The following TVP23A variants were observed in gnomAD, a reference collection of about 807,000 sequenced individuals.
TVP23A encodes the protein trans-golgi network vesicle protein 23 homolog A, also known as Golgi apparatus membrane protein TVP23 homolog A.
A neutral mutation model predicts 31.7 loss-of-function variants in TVP23A; 21 were observed. The ratio of observed to expected loss-of-function variants is 0.66; its 90% CI spans 0.47 to 0.95. The LOEUF is 0.95. Ranked by LOEUF, TVP23A falls within the 40% of genes least tolerant of loss-of-function variation. The pLI is 0.00. For missense variants in TVP23A, 279 were observed against 255.6 expected, an observed-to-expected ratio of 1.09 and a Z score of -0.62; for synonymous variants, 104 against 96.0, an observed-to-expected ratio of 1.08 and a Z score of -0.49.
At chr16:10,781,582 G>A (rs896251757) in intron 2 of TVP23A, among the ~76,000 whole-genome samples, 1 of 152,142 alleles carries the variant, frequency 6.6e-6, no homozygotes, top group African/African-American at 2.4e-5. Context: ...CTCACGTTGT[G>A]CACAGGATAC....
At chr16:10,787,885 A>G (rs1377483466) in intron 2 of TVP23A, among the ~76,000 whole-genome samples, 2 of 152,140 alleles carry the variant, frequency 1.3e-5, no homozygotes, top group East Asian at 3.9e-4. Flanking sequence ...TCCATCCATA[A>G]AATGAGACAG....
chr16:10,807,534 T>C (rs1030677235), intron 2 of TVP23A, among the ~76,000 whole-genome samples: 4 of 152,172 alleles, frequency 2.6e-5, no homozygotes, highest in South Asian at 2.1e-4. Context: ...ACATTTTTCA[T>C]TGTCACATCT....
Position 10,799,768 on chromosome 16 carries a change from G to A in TVP23A, c.89+18335C>T, listed in dbSNP as rs1267200467. 2.6e-5 allele frequency among the ~76,000 whole-genome samples: 4 copies of A among 152,336 alleles called. No individual in the cohort carries two copies. The East Asian group carries it at 7.7e-4, about 29-fold the overall frequency. The stretch of plus-strand genomic sequence containing the variant: ...GGGGTCCCAGGCTTACTTGAGGAGA[G>A]TTGGGGGTGAGTGGATGAGACCATG... On this transcript the variant is annotated intron_variant, in intron 2 of 7. Coordinates refer to ENST00000299866, the MANE Select transcript of TVP23A (RefSeq NM_001079512.4).
chr16:10,801,017 G>T (rs2033670321), intron 2 of TVP23A, among the ~76,000 whole-genome samples: 1 of 152,118 alleles, frequency 6.6e-6, no homozygotes, highest in African/African-American at 2.4e-5. Context: ...TAAAAAAACA[G>T]TATTCCTGCT....
In TVP23A at chr16:10,778,333, C is replaced by CAGA. The variant is rs4028815; in HGVS notation, c.90-3238_90-3237insTCT. Among the ~76,000 whole-genome samples the CAGA allele has an allele frequency of 1.1e-4, 17 of 152,234 alleles. No individual in the cohort carries two copies. In the East Asian group the frequency reaches 3.3e-3, roughly 29 times the overall value. On this transcript the variant is annotated intron_variant, in intron 2 of 7. Coordinates refer to ENST00000299866, the MANE Select transcript of TVP23A (RefSeq NM_001079512.4). ...TGGGCAACAGAGCAAATCGCTGTCT[C>CAGA]GAAGAATTAGACAGGATCACATAGA...
chr16:10,780,815 C>T (rs535245538), intron 2 of TVP23A, among the ~76,000 whole-genome samples: 2 of 152,134 alleles, frequency 1.3e-5, no homozygotes, highest in Admixed American at 6.6e-5. Context: ...CCGTGTCATT[C>T]GAAACAACGG....
intron 2 of TVP23A, among the ~76,000 whole-genome samples, chr16:10,793,506 T>C (rs1039596973): frequency 1.3e-5 from 2 of 152,114 alleles, no homozygotes; most frequent in African/African-American, 2.4e-5. Context: ...GTACTTGTTA[T>C]AGCAACACTC....
At chr16:10,769,206 CA>C (rs556101446) in intron 7 of TVP23A, 105 bp from the exon 8 acceptor site, 26 of 1,001,104 alleles carry the variant, frequency 2.6e-5, no homozygotes, top group Middle Eastern at 2.1e-4. Context: ...TGGGTCACAG[CA>C]AAAGGACCAG....
rs532624184 is a variant in TVP23A, at chr16:10,818,638, T to G, written c.-145A>C. ...GGGGCCTGCGCCCTGTGGGGCAGCC[T>G]CAGCGCAGCTTCTCGGGTGGGGCGG... On this transcript the variant is annotated 5_prime_UTR_variant, in exon 1 of 8. Coordinates refer to ENST00000299866, the MANE Select transcript of TVP23A (RefSeq NM_001079512.4). The surrounding 1 kb of genome is among the most constrained non-coding windows in gnomAD (Gnocchi z 4.7). The G allele has an allele frequency of 9.6e-5, 99 of 1,026,654 alleles. 1 individual carries two copies. In the African/African-American group the frequency reaches 1.6e-3, roughly 16 times the overall value. The allele number at this position is 1,026,654 out of a possible 1,614,324, so 63.6% of individuals were successfully genotyped here.
At chr16:10,757,814 A>T, downstream of TVP23A, 1 of 1,568,368 alleles carries the variant, frequency 6.4e-7, no homozygotes. This position sits in a 1 kb window ranked among gnomAD's most constrained non-coding sequence, Gnocchi z 4.1. Flanking sequence ...AAAAAGAGGG[A>T]GTTGAAAGTA....
chr16:10,782,355 C>T (rs1174330889), intron 2 of TVP23A, among the ~76,000 whole-genome samples: 1 of 152,284 alleles, frequency 6.6e-6, no homozygotes, highest in East Asian at 1.9e-4. Context: ...TGCTGGCCTG[C>T]CCCTTGCTCC....
chr16:10,784,688 A>T (rs540120073), intron 2 of TVP23A, among the ~76,000 whole-genome samples: 2 of 152,378 alleles, frequency 1.3e-5, no homozygotes, highest in Admixed American at 1.3e-4. Flanking sequence ...ATCAAGTGTA[A>T]CACATATACC....
In TVP23A at chr16:10,770,196, G is replaced by C. The variant is rs549907740; in HGVS notation, c.*76C>G. 4,918 of 1,528,364 alleles carry C rather than the reference G, an allele frequency of 3.2e-3. 32 individuals are homozygous for C. Among genetic ancestry groups the C allele is most frequent in the South Asian group, 3.9e-3 (319 of 82,652 alleles). The allele number at this position is 1,528,364 out of a possible 1,614,324, so 94.7% of individuals were successfully genotyped here. ...ACAGGGGAAGCCCACCCAGACCCCG[G>C]GCCCCTGTGCCCCAAGAGCTGCATT... On this transcript the variant is annotated intron_variant, in intron 7 of 7. Transcript: ENST00000299866.
downstream of TVP23A, among the ~76,000 whole-genome samples, chr16:10,763,169 G>A (rs1486459520): frequency 6.6e-6 from 1 of 152,142 alleles, no homozygotes; most frequent in Non-Finnish European, 1.5e-5. Flanking sequence ...CTGGGGTGCT[G>A]CGGCTAAGGG....
chr16:10,809,231 G>C (rs1015742925), intron 2 of TVP23A, among the ~76,000 whole-genome samples: 1 of 152,246 alleles, frequency 6.6e-6, no homozygotes, highest in Non-Finnish European at 1.5e-5. Context: ...GAAAAGAAAA[G>C]TGGGTACCCA....
intron 2 of TVP23A, among the ~76,000 whole-genome samples, chr16:10,778,230 A>G (rs2032194570): frequency 6.6e-6 from 1 of 152,080 alleles, no homozygotes; most frequent in African/African-American, 2.4e-5. Flanking sequence ...GCTACTCAGG[A>G]GGCTGAGGCA....
At chr16:10,789,494 A>G (rs556581772) in intron 2 of TVP23A, among the ~76,000 whole-genome samples, 2 of 152,124 alleles carry the variant, frequency 1.3e-5, no homozygotes, top group South Asian at 2.1e-4. Context: ...CTGGTTTTAT[A>G]TATTTTTGGG....
chr16:10,812,762 C>T (rs1332145115), intron 2 of TVP23A, among the ~76,000 whole-genome samples: 2 of 152,084 alleles, frequency 1.3e-5, no homozygotes, highest in Non-Finnish European at 2.9e-5. Context: ...AGTTGTTAAA[C>T]GGCACAGAGT....
intron 2 of TVP23A, among the ~76,000 whole-genome samples, chr16:10,783,306 C>T (rs1480951164): frequency 2.0e-5 from 3 of 152,162 alleles, no homozygotes; most frequent in Non-Finnish European, 2.9e-5. Flanking sequence ...TGAAAACTTA[C>T]GTCTGCACAA....
Sources: gnomAD v4.1 joint callset for allele counts (sites outside exome capture counted in the v4.1 genomes callset) on GRCh38, gnomAD v4.1.1 for gene constraint, Gnocchi (gnomAD v3.1) non-coding constraint, MANE v1.5 for transcripts, NCBI Gene and HGNC (gene_info 2026-07-23, HGNC 2026-07-21) for gene names.